CDKL4: variants seen among roughly 807,000 people sequenced by gnomAD.
The protein encoded by CDKL4 is cyclin dependent kinase like 4.
Under a neutral mutation model 42.0 loss-of-function variants are expected in CDKL4, and 44 were observed. The ratio of observed to expected loss-of-function variants is 1.05; its 90% CI spans 0.82 to 1.35. CDKL4 has a LOEUF of 1.35. Ranked by LOEUF, CDKL4 falls within the 40% of genes most tolerant of loss-of-function variation. CDKL4 has a pLI of 0.00. For missense variants in CDKL4, 393 were observed against 369.9 expected (o/e 1.06, Z -0.51); for synonymous variants, 120 against 121.6 (o/e 0.99, Z 0.09).
At chr2:39,224,120 T>C (rs1022280482) in intron 3 of CDKL4, among the ~76,000 whole-genome samples, 1 of 152,238 alleles carries the variant, frequency 6.6e-6, no homozygotes, top group Admixed American at 6.5e-5. Flanking sequence ...AATTTATTCA[T>C]TCTGGCAAAT....
intron 5 of CDKL4, among the ~76,000 whole-genome samples, chr2:39,202,683 TG>T (rs1182465341): frequency 6.6e-6 from 1 of 152,244 alleles, no homozygotes; most frequent in African/African-American, 2.4e-5. Flanking sequence ...TTTAAGTTGG[TG>T]ATTCATTTTG....
chr2:39,228,055 C>A (rs1050659557), intron 2 of CDKL4, among the ~76,000 whole-genome samples: 1 of 152,222 alleles, frequency 6.6e-6, no homozygotes, highest in Non-Finnish European at 1.5e-5. Flanking sequence ...AGAGACCAAG[C>A]TGAGTCATAA....
At chr2:39,200,160 T>C (rs972757861) in intron 5 of CDKL4, among the ~76,000 whole-genome samples, 8 of 152,144 alleles carry the variant, frequency 5.3e-5, no homozygotes, top group African/African-American at 1.9e-4. Context: ...ACAAAATTAA[T>C]GTACATAAAT....
At chr2:39,199,899 T>C (rs1425387685) in intron 5 of CDKL4, among the ~76,000 whole-genome samples, 3 of 152,036 alleles carry the variant, frequency 2.0e-5, no homozygotes, top group Non-Finnish European at 4.4e-5. Flanking sequence ...TAGGGAAAAG[T>C]TGAAAGCATT....
chr2:39,188,277 T>A (rs944765616), intron 6 of CDKL4, among the ~76,000 whole-genome samples: 1 of 151,726 alleles, frequency 6.6e-6, no homozygotes, highest in Admixed American at 6.6e-5. Flanking sequence ...CATCAAAAGG[T>A]GAAGGCTGGG....
chr2:39,187,363 A>G (rs1675884017), intron 7 of CDKL4, among the ~76,000 whole-genome samples: 1 of 152,082 alleles, frequency 6.6e-6, no homozygotes. Context: ...CACAAGGAAA[A>G]CAGAAGCCAA....
rs189086984 is a variant in CDKL4, at chr2:39,234,009, G to A, written c.-56-4421C>T. 2.9e-3 allele frequency among the ~76,000 whole-genome samples: 435 copies of A among 150,320 alleles called. 5 individuals are homozygous for A. The highest frequency in any genetic ancestry group is 0.01 in the African/African-American group (418 of 40,926). On this transcript the variant is annotated intron_variant, in intron 1 of 9. Coordinates refer to ENST00000451199, the Ensembl canonical transcript of CDKL4. ...GCTCACTGCAACCTCTGCCTCCCGGGTTCAAGCGATTCTCCTGCCTCCGCC... is the reference window on the plus strand; with the variant it reads ...GCTCACTGCAACCTCTGCCTCCCGGATTCAAGCGATTCTCCTGCCTCCGCC...
At chr2:39,169,752 C>T in the CDKL4 span, among the ~76,000 whole-genome samples, 1 of 152,160 alleles carries the variant, frequency 6.6e-6, no homozygotes, top group Non-Finnish European at 1.5e-5. Flanking sequence ...TCCAAACTTC[C>T]AGACCAAATG....
chr2:39,176,087 A>G (rs1675153497), exon 10 of CDKL4: 3 of 469,700 alleles, frequency 6.4e-6, no homozygotes. Context: ...ATGAGAGGCA[A>G]CAGTTGATTC....
At chr2:39,189,853 T>C (rs888125261) in intron 6 of CDKL4, among the ~76,000 whole-genome samples, 3 of 152,262 alleles carry the variant, frequency 2.0e-5, no homozygotes, top group Non-Finnish European at 2.9e-5. Context: ...ACAGAGGCTG[T>C]ACAGCCTGCA....
At chr2:39,247,115 G>A (rs2148422106), upstream of CDKL4, among the ~76,000 whole-genome samples, 1 of 152,244 alleles carries the variant, frequency 6.6e-6, no homozygotes, top group South Asian at 2.1e-4. Context: ...ATGAATACTG[G>A]TTGGGAATTA....
At chr2:39,218,503 C>CA (rs1371355785) in intron 3 of CDKL4, among the ~76,000 whole-genome samples, 1 of 151,628 alleles carries the variant, frequency 6.6e-6, no homozygotes, top group South Asian at 2.1e-4. Context: ...TCTCAAAAAA[C>CA]AAAAAAAACC....
intron 7 of CDKL4, among the ~76,000 whole-genome samples, chr2:39,185,229 T>C (rs1390508907): frequency 2.4e-4 from 3 of 12,310 alleles, no homozygotes; most frequent in African/African-American, 3.5e-4. Context: ...TATATACACA[T>C]ACGTATATAT....
downstream of CDKL4, among the ~76,000 whole-genome samples, chr2:39,173,298 G>A (rs1675048966): frequency 6.6e-6 from 1 of 152,182 alleles, no homozygotes; most frequent in Admixed American, 6.5e-5. Flanking sequence ...AAAACATTAT[G>A]AAAGCTAAAA....
exon 7 of CDKL4, chr2:39,187,709 C>T (rs1324093641): frequency 1.2e-6 from 2 of 1,601,882 alleles, no homozygotes; most frequent in African/African-American, 1.3e-5. Flanking sequence ...GATTAATTTT[C>T]CTGTAAAATA....
chr2:39,184,623 C>T (rs976699969), exon 8 of CDKL4: 1 of 1,612,050 alleles, frequency 6.2e-7, no homozygotes, highest in South Asian at 1.1e-5. Flanking sequence ...GGATGAACAT[C>T]TGAGAACTTT....
downstream of CDKL4, among the ~76,000 whole-genome samples, chr2:39,172,315 G>A (rs1474093938): frequency 6.8e-6 from 1 of 147,044 alleles, no homozygotes; most frequent in Non-Finnish European, 1.5e-5. Context: ...CTCTGTCCCC[G>A]CTCCGAAAAA....
At chr2:39,176,668 A>C (rs1163328648) in intron 9 of CDKL4, among the ~76,000 whole-genome samples, 8 of 152,164 alleles carry the variant, frequency 5.3e-5, no homozygotes, top group African/African-American at 1.9e-4. Context: ...TCCTGACCTC[A>C]GGTGATCCAC....
chr2:39,184,101 C>CTGA (rs1241780285), intron 8 of CDKL4, among the ~76,000 whole-genome samples: 3 of 152,216 alleles, frequency 2.0e-5, no homozygotes, highest in Non-Finnish European at 2.9e-5. Flanking sequence ...CCAGGCCATT[C>CTGA]TGATGAATAG....
Sources: allele counts gnomAD v4.1 joint callset (sites outside exome capture counted in the v4.1 genomes callset), GRCh38; gene constraint gnomAD v4.1.1; transcripts MANE v1.5; gene names NCBI Gene and HGNC (gene_info 2026-07-23, HGNC 2026-07-21).